The following CFH variants were observed in gnomAD, a reference collection of about 807,000 sequenced individuals.
The protein encoded by CFH is H factor 1 (complement).
A neutral mutation model predicts 147.3 loss-of-function variants in CFH; 53 were observed. The observed-to-expected ratio is 0.36, with a 90% CI of 0.29 to 0.45. CFH has a LOEUF of 0.45. CFH is among the 20% of genes least tolerant of loss of function. The pLI, the probability that CFH is intolerant of heterozygous loss-of-function variation, is 1.00. For synonymous variants in CFH, 536 were observed against 489.4 expected, an observed-to-expected ratio of 1.10 and a Z score of -1.26; for missense variants, 1,380 against 1,498.0, an observed-to-expected ratio of 0.92 and a Z score of 1.30.
intron 10 of CFH, among the ~76,000 whole-genome samples, chr1:196,715,305 A>T (rs578083002): frequency 6.6e-6 from 1 of 152,130 alleles, no homozygotes; most frequent in South Asian, 2.1e-4. Context: ...GGCCTGTTTT[A>T]TTACTAGCAT....
At chr1:196,675,336 T>A (rs1667418485) in intron 3 of CFH, among the ~76,000 whole-genome samples, 1 of 152,126 alleles carries the variant, frequency 6.6e-6, no homozygotes, top group African/African-American at 2.4e-5. Context: ...CAGATTTGAC[T>A]CACTGGGTAT....
intron 1 of CFH, among the ~76,000 whole-genome samples, chr1:196,652,691 G>A (rs1316030213): frequency 1.3e-5 from 2 of 151,532 alleles, no homozygotes; most frequent in South Asian, 2.1e-4. Flanking sequence ...TGTATTATCA[G>A]AATAAAAATA....
rs56050308 is a variant in CFH, at chr1:196,747,375, A to AT, written c.*68dup. On this transcript the variant is annotated 3_prime_UTR_variant, in exon 22 of 22. Coordinates refer to ENST00000367429, the MANE Select transcript of CFH (RefSeq NM_000186.4). Reference sequence around the variant, plus strand: ...TAGTATTAAATCAGTTCTCAATTTCATTTTTTATGTATTGTTTTACTCCTT... The same window carrying AT: ...TAGTATTAAATCAGTTCTCAATTTCATTTTTTTATGTATTGTTTTACTCCTT... The AT allele has an allele frequency of 1.9e-6, 3 of 1,603,426 alleles. No individual in the cohort carries two copies. Among genetic ancestry groups the AT allele is most frequent in the East Asian group, 2.2e-5 (1 of 44,676 alleles).
At chr1:196,683,264 A>G (rs929061390) in intron 6 of CFH, among the ~76,000 whole-genome samples, 1 of 151,792 alleles carries the variant, frequency 6.6e-6, no homozygotes, top group Non-Finnish European at 1.5e-5. Flanking sequence ...CAAATATTAC[A>G]GAGTTTTATC....
intron 1 of CFH, among the ~76,000 whole-genome samples, chr1:196,671,529 C>A (rs1358751264): frequency 6.6e-6 from 1 of 150,550 alleles, no homozygotes; most frequent in East Asian, 2.0e-4. Flanking sequence ...AAAGATTAAA[C>A]CCTCTTGGGT....
chr1:196,661,388 T>G (rs1170136673), intron 1 of CFH, among the ~76,000 whole-genome samples: 1 of 152,234 alleles, frequency 6.6e-6, no homozygotes, highest in Non-Finnish European at 1.5e-5. Context: ...CAACAAAATA[T>G]TATTAACTGC....
chr1:196,704,435 TAAG>T (rs1489792228), intron 9 of CFH, among the ~76,000 whole-genome samples: 1 of 152,192 alleles, frequency 6.6e-6, no homozygotes, highest in Non-Finnish European at 1.5e-5. Context: ...AACTAAATGC[TAAG>T]ATTACTTTTT....
chr1:196,656,175 G>T (rs1016102537), intron 1 of CFH, among the ~76,000 whole-genome samples: 1 of 151,914 alleles, frequency 6.6e-6, no homozygotes, highest in East Asian at 1.9e-4. Context: ...GTGGTGGCGC[G>T]TGCCTGTAAT....
intron 1 of CFH, among the ~76,000 whole-genome samples, chr1:196,661,919 T>A (rs1666924381): frequency 6.6e-6 from 1 of 151,960 alleles, no homozygotes; most frequent in African/African-American, 2.4e-5. Context: ...TTTAAATAAA[T>A]TGCCTCAAGG....
chr1:196,727,303 A>G (rs1669168578), intron 14 of CFH, among the ~76,000 whole-genome samples: 1 of 152,114 alleles, frequency 6.6e-6, no homozygotes, highest in Non-Finnish European at 1.5e-5. Flanking sequence ...GGAGGTAGAC[A>G]CTAGTGTGGG....
intron 11 of CFH, among the ~76,000 whole-genome samples, chr1:196,717,873 C>A (rs1009630868): frequency 1.3e-5 from 2 of 152,018 alleles, no homozygotes; most frequent in Non-Finnish European, 2.9e-5. Context: ...GGCAACAGGA[C>A]TGCTTACAAC....
chr1:196,675,097 C>T (rs1667410508), intron 3 of CFH, among the ~76,000 whole-genome samples: 1 of 152,130 alleles, frequency 6.6e-6, no homozygotes, highest in African/African-American at 2.4e-5. Context: ...CTACCTTCCT[C>T]ACCTCTGAAA....
chr1:196,692,760 T>TTCTCTTTCCCTTCCTTTC lies in CFH; in HGVS notation c.1336+2524_1336+2525insCTTTCCCTTCCTTTCTCT, dbSNP rs1422143634. Among the ~76,000 whole-genome samples, 28 of 36,010 alleles carry TTCTCTTTCCCTTCCTTTC rather than the reference T, an allele frequency of 7.8e-4. 1 individual carries two copies. The highest frequency in any genetic ancestry group is 2.9e-3 in the African/African-American group (21 of 7,240). 23.6% of individuals were successfully genotyped at this position (36,010 alleles called of 152,430 possible). ...CCTTCCTTTCTTTTTCTTTCTTTCT[T>TTCTCTTTCCCTTCCTTTC]TCTTTCTTTCTTTCTTTCTTTCTTT... On this transcript the variant is annotated intron_variant, in intron 9 of 21. Coordinates refer to ENST00000367429, the MANE Select transcript of CFH (RefSeq NM_000186.4).
chr1:196,679,384 A>G (rs12116702), intron 5 of CFH: 1 of 366,472 alleles, frequency 2.7e-6, no homozygotes, highest in East Asian at 5.4e-5. Flanking sequence ...ACTGGTCACT[A>G]TTTATTTCAA....
At chr1:196,745,009 A>G (rs1260286322) in intron 20 of CFH, among the ~76,000 whole-genome samples, 1 of 152,190 alleles carries the variant, frequency 6.6e-6, no homozygotes, top group African/African-American at 2.4e-5. Flanking sequence ...AAACCGTGCC[A>G]CATGGTTATA....
intron 9 of CFH, among the ~76,000 whole-genome samples, chr1:196,693,955 GGTGTGTGTGTGTGTGTGT>G (rs71567586): frequency 7.0e-6 from 1 of 142,656 alleles, no homozygotes. Context: ...TTAGATAAAT[GGTGTGTGTGTGTGTGTGT>G]GTGTGTGTGT....
At chr1:196,665,634 C>T (rs911575083) in intron 1 of CFH, among the ~76,000 whole-genome samples, 1 of 151,882 alleles carries the variant, frequency 6.6e-6, no homozygotes, top group Non-Finnish European at 1.5e-5. Context: ...TGAGACAGAG[C>T]TTTGCTCTTG....
At chr1:196,680,852 G>T (rs1030387487) in intron 6 of CFH, among the ~76,000 whole-genome samples, 6 of 151,806 alleles carry the variant, frequency 4.0e-5, no homozygotes, top group Non-Finnish European at 8.8e-5. Context: ...ATTTTGGTTT[G>T]AGCCCACAAG....
chr1:196,688,387 TAAAC>T (rs1220997706), intron 7 of CFH, among the ~76,000 whole-genome samples: 3 of 152,018 alleles, frequency 2.0e-5, no homozygotes, highest in Non-Finnish European at 4.4e-5. Flanking sequence ...AAATTAGAAA[TAAAC>T]AAAAAAGTTA....
Sources: gnomAD v4.1 joint callset for allele counts (sites outside exome capture counted in the v4.1 genomes callset) on GRCh38, gnomAD v4.1.1 for gene constraint, MANE v1.5 for transcripts, NCBI Gene and HGNC (gene_info 2026-07-23, HGNC 2026-07-21) for gene names.